HCN4: variants seen among roughly 807,000 people sequenced by gnomAD.
HCN4 encodes potassium/sodium hyperpolarization-activated cyclic nucleotide-gated channel 4.
Under a neutral mutation model 76.9 loss-of-function variants are expected in HCN4, and 29 were observed. The ratio of observed to expected loss-of-function variants is 0.38; its 90% CI spans 0.28 to 0.51. The LOEUF is 0.51. Ranked by LOEUF, HCN4 falls within the 20% of genes least tolerant of loss-of-function variation. The pLI is 0.90. For synonymous variants in HCN4, 772 were observed against 762.5 expected, an observed-to-expected ratio of 1.01 and a Z score of -0.21; for missense variants, 1,416 against 1,715.2, an observed-to-expected ratio of 0.83 and a Z score of 3.08.
intron 6 of HCN4, 55 bp downstream of exon 6, chr15:73,324,900 C>A: frequency 1.2e-6 from 2 of 1,609,750 alleles, no homozygotes; most frequent in East Asian, 2.2e-5. Context: ...GGTATCTCCC[C>A]AAACCAGCCC....
Position 73,367,500 on chromosome 15 carries a change from G to A in HCN4, c.771C>T (p.Pro257=), listed in dbSNP as rs1330443984. ...TGGCCCCTTACCTGAAGTCACTGTAGGGGTGGATAATCCAAAATCCGGCCG... is the reference window on the plus strand; with the variant it reads ...TGGCCCCTTACCTGAAGTCACTGTAAGGGTGGATAATCCAAAATCCGGCCG... ...VKSAGFWIIH[P]YSDFRFYWDL... The change falls in exon 1 of 8, where the codon CCC becomes CCT. Residue 257 remains proline (P), a synonymous_variant. Transcript: ENST00000261917. This position sits in a 1 kb window ranked among gnomAD's most constrained non-coding sequence, Gnocchi z 7.5. The A allele has an allele frequency of 1.2e-6, 2 of 1,613,662 alleles. No homozygotes were observed. The highest frequency in any genetic ancestry group is 1.3e-5 in the African/African-American group (1 of 74,926).
Position 73,333,594 on chromosome 15 carries a change from C to A in HCN4, c.1210-1302G>T, listed in dbSNP as rs191323598. Among the ~76,000 whole-genome samples the A allele has an allele frequency of 2.9e-3, 440 of 152,266 alleles. 5 individuals carry two copies. Among genetic ancestry groups the A allele is most frequent in the Non-Finnish European group, 4.2e-3 (285 of 68,018 alleles). On this transcript the variant is annotated intron_variant, in intron 2 of 7. Coordinates refer to ENST00000261917, the MANE Select transcript of HCN4 (RefSeq NM_005477.3). ...AGCTCATCACCTGCAGTCACCCCCA[C>A]CTGTGGCCCCCATCAAGGGCATGAC...
chr15:73,368,440 C>G lies in HCN4; in HGVS notation c.-170G>C, dbSNP rs536621293. 4.2e-5 allele frequency: 17 copies of G among 406,364 alleles called. No homozygotes were observed. The highest frequency in any genetic ancestry group is 5.5e-5 in the Non-Finnish European group (13 of 238,152). The allele number at this position is 406,364 out of a possible 1,614,324, so 25.2% of individuals were successfully genotyped here. A position where few individuals can be genotyped will look rare whatever the true frequency, so the allele number is the denominator to read the frequency against. On this transcript the variant is annotated 5_prime_UTR_variant, in exon 1 of 8. Coordinates refer to ENST00000261917, the MANE Select transcript of HCN4 (RefSeq NM_005477.3). The surrounding 1 kb of genome is among the most constrained non-coding windows in gnomAD (Gnocchi z 6.9). ...GCAGGCTGCGCGCCGCGGGGAGGATCCTAGTCCCGCTCCGAGTCCCCGGGC... is the reference window on the plus strand; with the variant it reads ...GCAGGCTGCGCGCCGCGGGGAGGATGCTAGTCCCGCTCCGAGTCCCCGGGC...
At chr15:73,341,647 C>G (rs1334822632) in intron 2 of HCN4, among the ~76,000 whole-genome samples, 1 of 152,204 alleles carries the variant, frequency 6.6e-6, no homozygotes, top group Non-Finnish European at 1.5e-5. Flanking sequence ...CGGGGTGGGA[C>G]AGCCCACACT....
At position 73,367,372 on chromosome 15, in the gene HCN4, T is replaced by C; in HGVS notation, c.785+114A>G. On this transcript the variant is annotated intron_variant, in intron 1 of 7. Coordinates refer to ENST00000261917, the MANE Select transcript of HCN4 (RefSeq NM_005477.3). This position sits in a 1 kb window ranked among gnomAD's most constrained non-coding sequence, Gnocchi z 7.5. ...GGAGCCTAGAGGCGCCCTGCCTCTCTTGGAGCTCCCAGCGCAAGGCAGGAA... is the reference window on the plus strand; with the variant it reads ...GGAGCCTAGAGGCGCCCTGCCTCTCCTGGAGCTCCCAGCGCAAGGCAGGAA... 1 of 1,516,760 alleles carries C rather than the reference T, an allele frequency of 6.6e-7. No individual in the cohort carries two copies. The highest frequency in any genetic ancestry group is 1.2e-5 in the South Asian group (1 of 80,320). 94.0% of individuals were successfully genotyped at this position (1,516,760 alleles called of 1,614,324 possible). A position where few individuals can be genotyped will look rare whatever the true frequency, so the allele number is the denominator to read the frequency against.
chr15:73,336,968 C>T (rs2042970228), intron 2 of HCN4, among the ~76,000 whole-genome samples: 2 of 152,228 alleles, frequency 1.3e-5, no homozygotes, highest in African/African-American at 4.8e-5. Context: ...CCTGACTCTG[C>T]CCAAAGCCAT....
chr15:73,343,865 T>G lies in HCN4; in HGVS notation c.786-57A>C. 1 of 1,571,466 alleles carries G rather than the reference T, an allele frequency of 6.4e-7. No homozygotes were observed. The highest frequency in any genetic ancestry group is 8.7e-7 in the Non-Finnish European group (1 of 1,143,504). The stretch of plus-strand genomic sequence containing the variant: ...AAGAGAGAGAGGACAAGTTACAGAC[T>G]AAGGGAGGAAGATCTGAGGGACAGC... On this transcript the variant is annotated intron_variant, in intron 1 of 7. Coordinates refer to ENST00000261917, the MANE Select transcript of HCN4 (RefSeq NM_005477.3). This position sits in a 1 kb window ranked among gnomAD's most constrained non-coding sequence, Gnocchi z 5.7.
At chr15:73,334,723 CCT>C (rs149962076) in intron 2 of HCN4, among the ~76,000 whole-genome samples, 2,945 of 152,158 alleles carry the variant, frequency 0.019, 154 homozygotes, top group East Asian at 0.19. Flanking sequence ...ACATCTGCCC[CCT>C]GTTTTACAAG....
At chr15:73,355,247 A>C (rs928391928) in intron 1 of HCN4, among the ~76,000 whole-genome samples, 1 of 152,186 alleles carries the variant, frequency 6.6e-6, no homozygotes, top group African/African-American at 2.4e-5. Context: ...CTCAAGTTCT[A>C]GTCCCGTCCC....
In HCN4 at chr15:73,323,881, C is replaced by T. The variant is rs1029680367; in HGVS notation, c.2212G>A (p.Glu738Lys). The change falls in exon 8 of 8, where the codon GAG (glutamate) becomes AAG (lysine). Residue 738 changes from glutamate to lysine, a missense_variant. Glu to Lys is a moderately conservative substitution (Grantham distance 56). Transcript: ENST00000261917. ...ACAATCTGCTGGATGATCTCATTCTCCTGGTAGTTGAAGACGCCGGAGTTG... is the reference window on the plus strand; with the variant it reads ...ACAATCTGCTGGATGATCTCATTCTTCTGGTAGTTGAAGACGCCGGAGTTG... The part of the protein sequence containing the change: ...DLNSGVFNYQ[E>K]NEIIQQIVQH... 4 of 1,604,244 alleles carry T rather than the reference C, an allele frequency of 2.5e-6. No individual in the cohort carries two copies. Among genetic ancestry groups the T allele is most frequent in the Non-Finnish European group, 3.4e-6 (4 of 1,179,954 alleles).
chr15:73,343,526 G>A lies in HCN4; in HGVS notation c.1068C>T (p.Phe356=). The part of the protein sequence containing the change: ...FISSIPVDYI[F]LIVETRIDSE... ...AGTCGATGCGTGTCTCCACAATGAG[G>A]AAGATGTAGTCCACGGGGATGGAGG... Residue 356 remains phenylalanine, a synonymous_variant, in exon 2 of 8, where the codon TTC becomes TTT. Transcript: ENST00000261917. This position sits in a 1 kb window ranked among gnomAD's most constrained non-coding sequence, Gnocchi z 5.7. 6.2e-7 allele frequency: 1 copy of A among 1,614,196 alleles called. No homozygotes were observed. The highest frequency in any genetic ancestry group is 2.2e-5 in the East Asian group (1 of 44,882).
chr15:73,323,185 A>G lies in HCN4; in HGVS notation c.2908T>C (p.Ser970Pro). 1 of 1,547,586 alleles carries G rather than the reference A, an allele frequency of 6.5e-7. No homozygotes were observed. Among genetic ancestry groups the G allele is most frequent in the Non-Finnish European group, 8.7e-7 (1 of 1,149,784 alleles). Residue 970 changes from serine to proline, a missense_variant, in exon 8 of 8, where the codon TCT becomes CCT. By Grantham distance (74) the Ser-to-Pro change is moderately conservative (BLOSUM62 -1). Around this residue, in one of 6 missense-constraint regions of HCN4, gnomAD observed 633 missense variants for 579.8 expected, o/e 1.09. Coordinates refer to ENST00000261917, the MANE Select transcript of HCN4 (RefSeq NM_005477.3). ...PPPPSSRSPS[S>P]SPGQLGQPPG... ...GGCTGGCCCAGCTGCCCGGGGCTAGATGACGGGGATCTGGATGAGGGTGGG... is the reference window on the plus strand; with the variant it reads ...GGCTGGCCCAGCTGCCCGGGGCTAGGTGACGGGGATCTGGATGAGGGTGGG...
chr15:73,334,422 C>T (rs1402159728), intron 2 of HCN4, among the ~76,000 whole-genome samples: 1 of 152,126 alleles, frequency 6.6e-6, no homozygotes, highest in Admixed American at 6.5e-5. Flanking sequence ...GGTCCCTGAG[C>T]ACCAGAGCCC....
chr15:73,359,700 C>T (rs1325003656), intron 1 of HCN4, among the ~76,000 whole-genome samples: 2 of 152,168 alleles, frequency 1.3e-5, no homozygotes, highest in Non-Finnish European at 2.9e-5. Flanking sequence ...TGAGCCCCGA[C>T]CATTGTCAGA....
chr15:73,338,726 T>C (rs932274437), intron 2 of HCN4, among the ~76,000 whole-genome samples: 4 of 152,172 alleles, frequency 2.6e-5, no homozygotes, highest in Non-Finnish European at 5.9e-5. Flanking sequence ...TGTGGATTCA[T>C]TTTCTCCTCA....
rs1453389368 is a variant in HCN4, at chr15:73,368,294, C to G, written c.-24G>C. 2 of 1,466,102 alleles carry G rather than the reference C, an allele frequency of 1.4e-6. No individual in the cohort carries two copies. Among genetic ancestry groups the G allele is most frequent in the Admixed American group, 2.3e-5 (1 of 43,134 alleles). The allele number at this position is 1,466,102 out of a possible 1,614,324, so 90.8% of individuals were successfully genotyped here. Reference sequence around the variant, plus strand: ...ATGGCGCCAGGGGCCGGGGTCGGACCGGGCCGGGGGCAGGAGCGCGGCGCC... The same window carrying G: ...ATGGCGCCAGGGGCCGGGGTCGGACGGGGCCGGGGGCAGGAGCGCGGCGCC... On this transcript the variant is annotated 5_prime_UTR_variant, in exon 1 of 8. Transcript: ENST00000261917. This position sits in a 1 kb window ranked among gnomAD's most constrained non-coding sequence, Gnocchi z 6.9.
At chr15:73,324,841 C>T (rs907757929) in intron 6 of HCN4, 114 bp downstream of exon 6, 3 of 1,341,432 alleles carry the variant, frequency 2.2e-6, no homozygotes, top group Non-Finnish European at 2.1e-6. Flanking sequence ...TCACAGACAC[C>T]TCCCTCCAGG....
chr15:73,332,342 G>A lies in HCN4; in HGVS notation c.1210-50C>T, dbSNP rs533229749. 4.4e-6 allele frequency: 7 copies of A among 1,585,108 alleles called. No individual in the cohort carries two copies. The Admixed American group carries it at 8.4e-5, about 19-fold the overall frequency. On this transcript the variant is annotated intron_variant, in intron 2 of 7. Transcript: ENST00000261917. ...GCTGGGATAGGTGAGTGGCCAGGAG[G>A]GCCAGCGGCCACTTTCCCTGCCCTG...
intron 2 of HCN4, among the ~76,000 whole-genome samples, chr15:73,340,821 C>T (rs1187438857): frequency 6.6e-6 from 1 of 152,238 alleles, no homozygotes; most frequent in East Asian, 1.9e-4. Context: ...TGGAGGGGCC[C>T]CAGCCATGAA....
Sources: gnomAD v4.1 joint callset for allele counts (sites outside exome capture counted in the v4.1 genomes callset) on GRCh38, gnomAD v4.1.1 for gene constraint, gnomAD v4.1.1 regional missense constraint, Gnocchi (gnomAD v3.1) non-coding constraint, MANE v1.5 for transcripts, NCBI Gene and HGNC (gene_info 2026-07-23, HGNC 2026-07-21) for gene names.